Variants in KIRREL1 observed in about 807,000 individuals in gnomAD.
The protein encoded by KIRREL1 is kirre like nephrin family adhesion molecule 1, also known as kin of IRRE-like protein 1.
A neutral mutation model predicts 83.3 loss-of-function variants in KIRREL1; 25 were observed. The ratio of observed to expected loss-of-function variants is 0.30; its 90% CI spans 0.22 to 0.42. The LOEUF (loss-of-function observed/expected upper bound fraction) is 0.42. Among genes scored for constraint, KIRREL1 ranks in the 10% least tolerant of loss-of-function variants. The pLI is 1.00. For synonymous variants in KIRREL1, 388 were observed against 410.4 expected (o/e 0.95, Z 0.66); for missense variants, 812 against 1,032.3 (o/e 0.79, Z 2.92).
chr1:158,056,606 C>T (rs991381364), intron 1 of KIRREL1, among the ~76,000 whole-genome samples: 19 of 152,212 alleles, frequency 1.2e-4, no homozygotes, highest in Admixed American at 1.2e-3. Flanking sequence ...TCCCTTGGCC[C>T]TGGTCACGTG....
intron 1 of KIRREL1, among the ~76,000 whole-genome samples, chr1:158,072,614 G>C (rs183962470): frequency 1.3e-5 from 2 of 152,160 alleles, no homozygotes; most frequent in Admixed American, 6.5e-5. Flanking sequence ...TCCACCCCAG[G>C]GAAAGGCCTG....
chr1:158,093,676 C>G lies in KIRREL1; in HGVS notation c.1633C>G (p.Arg545Gly). 1 of 1,614,170 alleles carries G rather than the reference C, an allele frequency of 6.2e-7. No homozygotes were observed. The highest frequency in any genetic ancestry group is 1.1e-5 in the South Asian group (1 of 91,070). The change falls in exon 13 of 15, where the codon CGA (arginine) becomes GGA (glycine). Residue 545 changes from arginine to glycine, a missense_variant. Physicochemically the swap from Arg to Gly is moderately radical, Grantham distance 125 (BLOSUM62 -2). Coordinates refer to ENST00000359209, the MANE Select transcript of KIRREL1 (RefSeq NM_018240.7). The part of the protein sequence containing the change: ...KLDIKVETVN[R>G]EPLTMHSDRE... Reference sequence around the variant, plus strand: ...GGATATCAAGGTGGAGACAGTGAACCGAGAGCCACTTACGATGCATTCTGA... The same window carrying G: ...GGATATCAAGGTGGAGACAGTGAACGGAGAGCCACTTACGATGCATTCTGA...
At chr1:158,052,421 GT>G (rs1324613410) in intron 1 of KIRREL1, among the ~76,000 whole-genome samples, 7 of 152,052 alleles carry the variant, frequency 4.6e-5, no homozygotes, top group African/African-American at 1.7e-4. Context: ...TTTTATCATT[GT>G]ACCTTGTATT....
At chr1:158,052,288 C>T (rs1279528020) in intron 1 of KIRREL1, among the ~76,000 whole-genome samples, 1 of 152,150 alleles carries the variant, frequency 6.6e-6, no homozygotes, top group East Asian at 1.9e-4. Context: ...GAGGAACTGT[C>T]CCGCTCCCAG....
intron 1 of KIRREL1, among the ~76,000 whole-genome samples, chr1:158,005,348 GTGCACAGAGCT>G (rs1659486413): frequency 6.6e-6 from 1 of 152,080 alleles, no homozygotes; most frequent in Non-Finnish European, 1.5e-5. Context: ...GGACAAGAGA[GTGCACAGAGCT>G]TGCCAGCACG....
intron 1 of KIRREL1, among the ~76,000 whole-genome samples, chr1:158,071,397 T>C (rs962177258): frequency 1.3e-5 from 2 of 152,266 alleles, no homozygotes; most frequent in African/African-American, 4.8e-5. Flanking sequence ...CACACAGGTA[T>C]GCTGCTCAGT....
intron 1 of KIRREL1, among the ~76,000 whole-genome samples, chr1:158,048,690 A>G (rs1025247967): frequency 6.6e-6 from 1 of 152,202 alleles, no homozygotes; most frequent in Non-Finnish European, 1.5e-5. Flanking sequence ...AAAACATACA[A>G]GTCAGCGGTT....
chr1:158,018,287 A>G (rs543107057), intron 1 of KIRREL1, among the ~76,000 whole-genome samples: 8 of 152,282 alleles, frequency 5.3e-5, no homozygotes, highest in African/African-American at 1.9e-4. Context: ...GCACCACACC[A>G]CAGGTCCCAG....
intron 1 of KIRREL1, among the ~76,000 whole-genome samples, chr1:158,001,207 C>G (rs937662025): frequency 6.6e-6 from 1 of 152,106 alleles, no homozygotes; most frequent in Non-Finnish European, 1.5e-5. Flanking sequence ...ACTTTTGTTC[C>G]TTCATTCAGC....
intron 1 of KIRREL1, among the ~76,000 whole-genome samples, chr1:158,069,673 G>A (rs1464363254): frequency 6.6e-6 from 1 of 152,180 alleles, no homozygotes; most frequent in Non-Finnish European, 1.5e-5. Flanking sequence ...TCCAAGAGAA[G>A]ACAGCAGTGG....
In KIRREL1 at chr1:158,089,693, C is replaced by T. The variant is rs751044495; in HGVS notation, c.1172-25C>T. 3 of 1,614,000 alleles carry T rather than the reference C, an allele frequency of 1.9e-6. No homozygotes were observed. The African/African-American group carries it at 4.0e-5, about 22-fold the overall frequency. ...CTGGTACTGCAGTTTTTAACTGGTTCTGACTTGTGTCTTCTTGCTTGCAGG... is the reference window on the plus strand; with the variant it reads ...CTGGTACTGCAGTTTTTAACTGGTTTTGACTTGTGTCTTCTTGCTTGCAGG... On this transcript the variant is annotated intron_variant, in intron 9 of 14. Transcript: ENST00000359209.
At chr1:158,063,546 A>G (rs1354695803) in intron 1 of KIRREL1, among the ~76,000 whole-genome samples, 1 of 152,212 alleles carries the variant, frequency 6.6e-6, no homozygotes, top group Non-Finnish European at 1.5e-5. Flanking sequence ...CTCCCTTGAT[A>G]GAATGTGATG....
At chr1:158,066,107 G>C (rs1661351923) in intron 1 of KIRREL1, among the ~76,000 whole-genome samples, 1 of 151,412 alleles carries the variant, frequency 6.6e-6, no homozygotes, top group African/African-American at 2.4e-5. Flanking sequence ...GCTTTGGGAT[G>C]TGCCCTGCCT....
At chr1:158,014,900 G>C (rs890684825) in intron 1 of KIRREL1, among the ~76,000 whole-genome samples, 23 of 151,886 alleles carry the variant, frequency 1.5e-4, no homozygotes, top group African/African-American at 4.6e-4. Flanking sequence ...TCCTCCTTCC[G>C]GTGCTTTACT....
At chr1:157,999,100 A>G (rs1275692466) in intron 1 of KIRREL1, among the ~76,000 whole-genome samples, 1 of 152,088 alleles carries the variant, frequency 6.6e-6, no homozygotes, top group Non-Finnish European at 1.5e-5. Flanking sequence ...ACAGGAGGGA[A>G]GCCTAGGCCT....
chr1:158,072,884 AAG>A, intron 1 of KIRREL1, among the ~76,000 whole-genome samples: 1 of 108,114 alleles, frequency 9.2e-6, no homozygotes, highest in Non-Finnish European at 2.1e-5. Context: ...AGCAGGAAGG[AAG>A]GGGAGAGGGG....
intron 1 of KIRREL1, among the ~76,000 whole-genome samples, chr1:158,042,803 G>A (rs554946305): frequency 7.9e-5 from 12 of 151,732 alleles, no homozygotes; most frequent in African/African-American, 2.9e-4. Context: ...GCTGGGCACG[G>A]TGGCTCACTC....
chr1:158,032,895 C>T (rs4971185), intron 1 of KIRREL1, among the ~76,000 whole-genome samples: 125,587 of 152,080 alleles, frequency 0.83, 52,965 homozygotes, highest in Non-Finnish European at 0.91. Context: ...CTCAGCCTCC[C>T]GAGTAGCTGA....
At chr1:158,011,211 C>T (rs1571533721) in intron 1 of KIRREL1, among the ~76,000 whole-genome samples, 1 of 152,232 alleles carries the variant, frequency 6.6e-6, no homozygotes, top group African/African-American at 2.4e-5. Context: ...TCACTTTACA[C>T]TCGGTTTTCA....
Sources: gnomAD v4.1 joint callset for allele counts (sites outside exome capture counted in the v4.1 genomes callset) on GRCh38, gnomAD v4.1.1 for gene constraint, MANE v1.5 for transcripts, NCBI Gene and HGNC (gene_info 2026-07-23, HGNC 2026-07-21) for gene names.